The following ERG variants were observed in gnomAD, a reference collection of about 807,000 sequenced individuals.
ERG encodes the protein ETS transcription factor ERG.
ERG carries 9 observed loss-of-function variants against 55.3 expected under a neutral mutation model. That is an observed-to-expected ratio of 0.16 (90% CI 0.10 to 0.28). The LOEUF is 0.28. Ranked by LOEUF, ERG falls within the 10% of genes least tolerant of loss-of-function variation. ERG has a pLI of 1.00. For synonymous variants in ERG, 223 were observed against 237.3 expected (o/e 0.94, Z 0.55); for missense variants, 434 against 631.6 (o/e 0.69, Z 3.35).
chr21:38,650,375 C>A (rs1490379365), intron 1 of ERG, among the ~76,000 whole-genome samples: 1 of 152,130 alleles, frequency 6.6e-6, no homozygotes, highest in Non-Finnish European at 1.5e-5. Flanking sequence ...GGTGGCTCAG[C>A]CTGTAATCCC....
chr21:38,455,502 C>A (rs2836414), intron 1 of ERG, among the ~76,000 whole-genome samples: 19,132 of 152,148 alleles, frequency 0.13, 1,316 homozygotes, highest in South Asian at 0.22. Flanking sequence ...TCAGAAGGAG[C>A]TCCGTGAAAA....
intron 6 of ERG, among the ~76,000 whole-genome samples, chr21:38,396,619 G>A (rs919812000): frequency 6.6e-6 from 1 of 152,224 alleles, no homozygotes; most frequent in African/African-American, 2.4e-5. Flanking sequence ...CATGGGGATG[G>A]AAGAGGAAAG....
chr21:38,573,611 T>C (rs1433401423), intron 2 of ERG, among the ~76,000 whole-genome samples: 8 of 152,348 alleles, frequency 5.3e-5, no homozygotes, highest in South Asian at 4.1e-4. Context: ...ATAGATTCTT[T>C]TGCTCACATG....
chr21:38,400,140 G>A (rs1391710553), intron 6 of ERG: 1 of 380,044 alleles, frequency 2.6e-6, no homozygotes, highest in African/African-American at 2.0e-5. Flanking sequence ...GTAAGATTCA[G>A]ATGTAAATAC....
chr21:38,508,163 G>A (rs75529528), intron 2 of ERG, among the ~76,000 whole-genome samples: 1,945 of 150,498 alleles, frequency 0.013, 43 homozygotes, highest in African/African-American at 0.045. Flanking sequence ...GAGAGACAGA[G>A]CAGGAGGTCA....
At position 38,381,404 on chromosome 21, in the gene ERG, A is replaced by G. The variant is rs561609523; in HGVS notation, c.*1999T>C. 4 of 1,063,092 alleles carry G rather than the reference A, an allele frequency of 3.8e-6. No homozygotes were observed. Among genetic ancestry groups the G allele is most frequent in the Admixed American group, 5.4e-5 (1 of 18,650 alleles). 65.9% of individuals were successfully genotyped at this position (1,063,092 alleles called of 1,614,324 possible). A position where few individuals can be genotyped will look rare whatever the true frequency, so the allele number is the denominator to read the frequency against. On this transcript the variant is annotated 3_prime_UTR_variant, in exon 10 of 10. Coordinates refer to ENST00000288319, the MANE Select transcript of ERG (RefSeq NM_182918.4). ...GGGAAACTGACTCTAGATTATGGAA[A>G]TAAACATTGTCTTCAAGGGATAGCC...
chr21:38,533,406 G>A (rs1157097108), intron 2 of ERG, among the ~76,000 whole-genome samples: 6 of 152,130 alleles, frequency 3.9e-5, no homozygotes, highest in South Asian at 2.1e-4. Flanking sequence ...TCTTCCAAAC[G>A]TACATGCCGG....
intron 2 of ERG, among the ~76,000 whole-genome samples, chr21:38,552,846 G>GAAAAAAAAAAAAAAAA (rs56278724): frequency 2.3e-5 from 3 of 127,872 alleles, no homozygotes; most frequent in African/African-American, 3.0e-5. Flanking sequence ...TCAAGCAAGA[G>GAAAAAAAAAAAAAAAA]AAAAAAAAAA....
chr21:38,584,393 G>T (rs2060049563), intron 1 of ERG, among the ~76,000 whole-genome samples: 1 of 152,184 alleles, frequency 6.6e-6, no homozygotes, highest in African/African-American at 2.4e-5. Flanking sequence ...TTGAAAGAAG[G>T]TTTCAATTGC....
At chr21:38,608,208 CATAA>C (rs373899456) in intron 1 of ERG, among the ~76,000 whole-genome samples, 2 of 152,036 alleles carry the variant, frequency 1.3e-5, no homozygotes, top group African/African-American at 4.8e-5. Flanking sequence ...GTATCTAAAC[CATAA>C]ATAAACAGAA....
intron 2 of ERG, among the ~76,000 whole-genome samples, chr21:38,548,078 C>A (rs927143978): frequency 2.0e-4 from 31 of 152,156 alleles, no homozygotes; most frequent in Middle Eastern, 3.4e-3. Context: ...CCATTTCATT[C>A]TCTTTAATTT....
At chr21:38,657,609 CTTTAACT>C (rs892418392) in intron 1 of ERG, among the ~76,000 whole-genome samples, 4 of 152,052 alleles carry the variant, frequency 2.6e-5, no homozygotes, top group Admixed American at 2.0e-4. Context: ...CCCCTTTTAA[CTTTAACT>C]TTTAACTTTT....
chr21:38,500,565 A>T (rs1457003049), upstream of ERG, among the ~76,000 whole-genome samples: 1 of 152,134 alleles, frequency 6.6e-6, no homozygotes, highest in Non-Finnish European at 1.5e-5. Flanking sequence ...ACTGGTGCCA[A>T]TGTACATCAT....
At position 38,654,083 on chromosome 21, in the gene ERG, G is replaced by C. The variant is rs180938271; in HGVS notation, c.-150+7575C>G. On this transcript the variant is annotated intron_variant, in intron 1 of 10. Coordinates refer to the ERG transcript ENST00000398910. Reference sequence around the variant, plus strand: ...AGAAACTGCCCTTGTGGGACATTCTGTCTAATCACTTATATTTACAAGCCT... The same window carrying C: ...AGAAACTGCCCTTGTGGGACATTCTCTCTAATCACTTATATTTACAAGCCT... Among the ~76,000 whole-genome samples the C allele has an allele frequency of 6.6e-5, 10 of 152,308 alleles. No individual in the cohort carries two copies. In the East Asian group the frequency reaches 1.2e-3, roughly 18 times the overall value.
chr21:38,561,157 A>G (rs2059890543), intron 2 of ERG, among the ~76,000 whole-genome samples: 1 of 152,146 alleles, frequency 6.6e-6, no homozygotes, highest in Admixed American at 6.5e-5. Flanking sequence ...GTCTTTCTAA[A>G]TCCTTTTATT....
chr21:38,462,052 G>A (rs2059048458), intron 1 of ERG, among the ~76,000 whole-genome samples: 1 of 151,908 alleles, frequency 6.6e-6, no homozygotes, highest in Admixed American at 6.5e-5. Flanking sequence ...CGCGATCTTG[G>A]CTCACTGCAA....
At chr21:38,448,314 A>C (rs1295382069) in intron 1 of ERG, among the ~76,000 whole-genome samples, 1 of 152,212 alleles carries the variant, frequency 6.6e-6, no homozygotes, top group Non-Finnish European at 1.5e-5. Flanking sequence ...TCTCACAGCT[A>C]ATATTGCACA....
chr21:38,456,769 G>C (rs897409026), intron 1 of ERG, among the ~76,000 whole-genome samples: 54 of 152,202 alleles, frequency 3.5e-4, no homozygotes, highest in African/African-American at 1.2e-3. Flanking sequence ...GACTCCCTGG[G>C]GCTGGGATGC....
At chr21:38,658,537 C>CT (rs1055024495) in intron 1 of ERG, among the ~76,000 whole-genome samples, 3 of 151,876 alleles carry the variant, frequency 2.0e-5, no homozygotes, top group African/African-American at 7.3e-5. Context: ...CCTTTTATTT[C>CT]TTTTTTGTTT....
Sources: allele counts gnomAD v4.1 joint callset (sites outside exome capture counted in the v4.1 genomes callset), GRCh38; gene constraint gnomAD v4.1.1; transcripts MANE v1.5; gene names NCBI Gene and HGNC (gene_info 2026-07-23, HGNC 2026-07-21).